The following ST3GAL4 variants were observed in gnomAD, a reference collection of about 807,000 sequenced individuals.
ST3GAL4 encodes the protein ST3 beta-galactoside alpha-2,3-sialyltransferase 4.
Under a neutral mutation model 42.6 loss-of-function variants are expected in ST3GAL4, and 24 were observed. That is an observed-to-expected ratio of 0.56 (90% CI 0.41 to 0.79). The LOEUF (loss-of-function observed/expected upper bound fraction) is 0.79, where lower values mean the gene tolerates loss of function less well. Ranked by LOEUF, ST3GAL4 falls within the 30% of genes least tolerant of loss-of-function variation. The pLI, the probability that ST3GAL4 is intolerant of heterozygous loss-of-function variation, is 0.00. For missense variants in ST3GAL4, 311 were observed against 430.8 expected, an observed-to-expected ratio of 0.72 and a Z score of 2.46; for synonymous variants, 135 against 163.2, an observed-to-expected ratio of 0.83 and a Z score of 1.32.
At chr11:126,381,032 A>G (rs925011299) in intron 1 of ST3GAL4, among the ~76,000 whole-genome samples, 4 of 152,234 alleles carry the variant, frequency 2.6e-5, no homozygotes, top group African/African-American at 9.6e-5. Context: ...TGCATAGACA[A>G]GAACATGGGG....
chr11:126,357,145 G>A (rs576793109), intron 1 of ST3GAL4, among the ~76,000 whole-genome samples: 3 of 152,186 alleles, frequency 2.0e-5, no homozygotes, highest in African/African-American at 7.2e-5. Context: ...AGGTTGTTTT[G>A]CTTGCTGAGA....
In ST3GAL4 at chr11:126,396,896, A is replaced by G. The variant is rs774727258; in HGVS notation, c.-60-9200A>G. Among the ~76,000 whole-genome samples the G allele has an allele frequency of 6.6e-6, 1 of 152,106 alleles. No individual in the cohort carries two copies. The highest frequency in any genetic ancestry group is 1.5e-5 in the Non-Finnish European group (1 of 68,050). On this transcript the variant is annotated intron_variant, in intron 1 of 10. Coordinates refer to ENST00000444328, the MANE Select transcript of ST3GAL4 (RefSeq NM_001254757.2). This position sits in a 1 kb window ranked among gnomAD's most constrained non-coding sequence, Gnocchi z 5.8. The stretch of plus-strand genomic sequence containing the variant: ...TCGAGATCATATTTAACACTTTCAC[A>G]GCCCTTAGAAGTGTCTAGCACAGTG...
chr11:126,357,293 G>A (rs1469413147), intron 1 of ST3GAL4, among the ~76,000 whole-genome samples: 2 of 152,232 alleles, frequency 1.3e-5, no homozygotes, highest in Non-Finnish European at 2.9e-5. Context: ...CAAGACATGG[G>A]GAGCTTGCCA....
In ST3GAL4 at chr11:126,378,648, C is replaced by G. The variant is rs1268413177; in HGVS notation, c.-61+22806C>G. Among the ~76,000 whole-genome samples the G allele has an allele frequency of 6.6e-6, 1 of 152,164 alleles. No homozygotes were observed. Among genetic ancestry groups the G allele is most frequent in the East Asian group, 1.9e-4 (1 of 5,198 alleles). On this transcript the variant is annotated intron_variant, in intron 1 of 10. Coordinates refer to ENST00000444328, the MANE Select transcript of ST3GAL4 (RefSeq NM_001254757.2). This position sits in a 1 kb window ranked among gnomAD's most constrained non-coding sequence, Gnocchi z 5.3. Reference sequence around the variant, plus strand: ...GGTCTCGATCTCCTGACCTCGTGATCCACCCTCCTCGGCCCCCCAAAGGGA... The same window carrying G: ...GGTCTCGATCTCCTGACCTCGTGATGCACCCTCCTCGGCCCCCCAAAGGGA...
rs927552951 is a variant in ST3GAL4, at chr11:126,409,814, T to C, written c.771+403T>C. Among the ~76,000 whole-genome samples, 1 of 152,218 alleles carries C rather than the reference T, an allele frequency of 6.6e-6. No individual in the cohort carries two copies. Among genetic ancestry groups the C allele is most frequent in the South Asian group, 2.1e-4 (1 of 4,832 alleles). On this transcript the variant is annotated intron_variant, in intron 9 of 10. Transcript: ENST00000444328. This position sits in a 1 kb window ranked among gnomAD's most constrained non-coding sequence, Gnocchi z 4.9. ...TTGAAACACTAGTCTGAACGAGTTA[T>C]AAGAGTTGGAGCTAAACAGTTTGTC...
At chr11:126,407,393 C>T in intron 5 of ST3GAL4, 44 bp downstream of exon 5, 1 of 1,596,262 alleles carries the variant, frequency 6.3e-7, no homozygotes, top group Non-Finnish European at 8.6e-7. Flanking sequence ...CTCACCCTGA[C>T]CACGTTGCTT....
chr11:126,409,222 G>A lies in ST3GAL4; in HGVS notation c.628-46G>A. The stretch of plus-strand genomic sequence containing the variant: ...ACCACTGGGTTGGATTTGAGAAACA[G>A]GGCTTCACCCGCTTCTGTCTCTCTC... On this transcript the variant is annotated intron_variant, in intron 8 of 10. Coordinates refer to ENST00000444328, the MANE Select transcript of ST3GAL4 (RefSeq NM_001254757.2). This position sits in a 1 kb window ranked among gnomAD's most constrained non-coding sequence, Gnocchi z 4.9. The A allele has an allele frequency of 6.2e-7, 1 of 1,603,490 alleles. No homozygotes were observed. Among genetic ancestry groups the A allele is most frequent in the Non-Finnish European group, 8.5e-7 (1 of 1,171,586 alleles).
chr11:126,360,274 A>G (rs1490366629), intron 1 of ST3GAL4, among the ~76,000 whole-genome samples: 1 of 152,246 alleles, frequency 6.6e-6, no homozygotes, highest in Non-Finnish European at 1.5e-5. Flanking sequence ...TGACGAGGGC[A>G]GAGGCTGAGG....
At position 126,383,055 on chromosome 11, in the gene ST3GAL4, T is replaced by C. The variant is rs633190; in HGVS notation, c.-60-23041T>C. ...GGACAGTGAGTGTGTGTTGTGTGGG[T>C]GCCAGGCCAGGGAGTGCCCTCCATG... On this transcript the variant is annotated intron_variant, in intron 1 of 10. Transcript: ENST00000444328. This position sits in a 1 kb window ranked among gnomAD's most constrained non-coding sequence, Gnocchi z 4.5. Among the ~76,000 whole-genome samples, 2 of 151,968 alleles carry C rather than the reference T, an allele frequency of 1.3e-5. No individual in the cohort carries two copies. Among genetic ancestry groups the C allele is most frequent in the African/African-American group, 4.8e-5 (2 of 41,270 alleles).
chr11:126,413,264 C>T (rs1374133447), intron 9 of ST3GAL4: 1 of 419,074 alleles, frequency 2.4e-6, no homozygotes, highest in Non-Finnish European at 4.3e-6. Context: ...TGCACTACTG[C>T]ACCCAGCACA....
rs561619078 is a variant in ST3GAL4, at chr11:126,400,407, G to A, written c.-60-5689G>A. On this transcript the variant is annotated intron_variant, in intron 1 of 10. Transcript: ENST00000444328. The surrounding 1 kb of genome is among the most constrained non-coding windows in gnomAD (Gnocchi z 4.6). ...GCCCTGCTTATACTGTTGCACTGGG[G>A]ATCAAGTTGCAGCACTTGGACTTCG... Among the ~76,000 whole-genome samples the A allele has an allele frequency of 4.3e-4, 65 of 152,340 alleles. No individual in the cohort carries two copies. The highest frequency in any genetic ancestry group is 2.2e-3 in the Admixed American group (34 of 15,300).
intron 1 of ST3GAL4, among the ~76,000 whole-genome samples, chr11:126,370,516 ATAAGT>A (rs544643923): frequency 2.8e-4 from 42 of 152,330 alleles, no homozygotes; most frequent in South Asian, 1.2e-3. Flanking sequence ...GAATTAACTG[ATAAGT>A]TAATATATGT....
At chr11:126,408,563 C>A (rs114540788) in intron 8 of ST3GAL4, 67 bp downstream of exon 8, 502 of 1,559,384 alleles carry the variant, frequency 3.2e-4, no homozygotes, top group Non-Finnish European at 4.1e-4. Flanking sequence ...CAGGACCTCA[C>A]GCTCCTTGAT....
Position 126,383,681 on chromosome 11 carries a change from C to CGGTGTGA in ST3GAL4, c.-60-22413_-60-22407dup, listed in dbSNP as rs993675286. Among the ~76,000 whole-genome samples the CGGTGTGA allele has an allele frequency of 6.6e-6, 1 of 152,050 alleles. No homozygotes were observed. The highest frequency in any genetic ancestry group is 6.6e-5 in the Admixed American group (1 of 15,262). ...GTGTAGGTTACTGACATGGGAGGGCCGGTGTGAGCTGCAGGGACCGGAGAG... is the reference window on the plus strand; with the variant it reads ...GTGTAGGTTACTGACATGGGAGGGCCGGTGTGAGGTGTGAGCTGCAGGGACCGGAGAG... On this transcript the variant is annotated intron_variant, in intron 1 of 10. Coordinates refer to ENST00000444328, the MANE Select transcript of ST3GAL4 (RefSeq NM_001254757.2). This position sits in a 1 kb window ranked among gnomAD's most constrained non-coding sequence, Gnocchi z 4.5.
At chr11:126,358,372 ACT>A in intron 1 of ST3GAL4, 1 of 367,646 alleles carries the variant, frequency 2.7e-6, no homozygotes, top group South Asian at 1.9e-5. Context: ...GATTTGGGTG[ACT>A]CTTGTTATTA....
Position 126,383,993 on chromosome 11 carries a change from C to T in ST3GAL4, c.-60-22103C>T, listed in dbSNP as rs1953116484. On this transcript the variant is annotated intron_variant, in intron 1 of 10. Coordinates refer to ENST00000444328, the MANE Select transcript of ST3GAL4 (RefSeq NM_001254757.2). The surrounding 1 kb of genome is among the most constrained non-coding windows in gnomAD (Gnocchi z 4.5). ...TTTTCCTGCCCACCCTCATCTTTGC[C>T]GAGTCCTCGTCTGGGGGCCCTGCCC... Among the ~76,000 whole-genome samples the T allele has an allele frequency of 6.6e-6, 1 of 152,132 alleles. No homozygotes were observed. Among genetic ancestry groups the T allele is most frequent in the African/African-American group, 2.4e-5 (1 of 41,420 alleles).
intron 1 of ST3GAL4, among the ~76,000 whole-genome samples, chr11:126,377,703 TG>T (rs1952873070): frequency 6.6e-6 from 1 of 152,096 alleles, no homozygotes; most frequent in South Asian, 2.1e-4. Flanking sequence ...CTCAGACTCT[TG>T]ACCTCAGGTG....
At chr11:126,374,249 C>T (rs774684744) in intron 1 of ST3GAL4, among the ~76,000 whole-genome samples, 1 of 151,618 alleles carries the variant, frequency 6.6e-6, no homozygotes, top group African/African-American at 2.4e-5. Flanking sequence ...GTCAGGAGTT[C>T]GAGACCAGCC....
At position 126,406,763 on chromosome 11, in the gene ST3GAL4, A is replaced by T; in HGVS notation, c.102-180A>T. On this transcript the variant is annotated intron_variant, in intron 3 of 10. Transcript: ENST00000444328. The surrounding 1 kb of genome is among the most constrained non-coding windows in gnomAD (Gnocchi z 5.4). ...TGTCTCACTGGGCCCTCACCCAGGG[A>T]GTGCAGGGGCAGGAAGACCTGGATC... 1 of 925,920 alleles carries T rather than the reference A, an allele frequency of 1.1e-6. No individual in the cohort carries two copies. The highest frequency in any genetic ancestry group is 1.6e-6 in the Non-Finnish European group (1 of 615,622). The allele number at this position is 925,920 out of a possible 1,614,324, so 57.4% of individuals were successfully genotyped here.
Sources: gnomAD v4.1 joint callset for allele counts (sites outside exome capture counted in the v4.1 genomes callset) on GRCh38, gnomAD v4.1.1 for gene constraint, Gnocchi (gnomAD v3.1) non-coding constraint, MANE v1.5 for transcripts, NCBI Gene and HGNC (gene_info 2026-07-23, HGNC 2026-07-21) for gene names.